The following USP28 variants were observed in gnomAD, a reference collection of about 807,000 sequenced individuals.
USP28 encodes ubiquitin carboxyl-terminal hydrolase 28.
In USP28, 113 loss-of-function variants were observed where a neutral mutation model predicts 145.0. The observed-to-expected ratio is 0.78, with a 90% CI of 0.67 to 0.91. USP28 has a LOEUF of 0.91. USP28 is among the 40% of genes least tolerant of loss of function. The pLI is 0.00. For missense variants in USP28, 1,201 were observed against 1,289.6 expected (o/e 0.93, Z 1.05); for synonymous variants, 447 against 450.9 (o/e 0.99, Z 0.11).
chr11:113,845,752 T>G (rs1395406530), intron 3 of USP28, among the ~76,000 whole-genome samples: 1 of 152,200 alleles, frequency 6.6e-6, no homozygotes, highest in African/African-American at 2.4e-5. Flanking sequence ...TTTTTCTATC[T>G]TTTGTAGAGA....
At chr11:113,826,509 G>A (rs1273980947) in intron 11 of USP28, among the ~76,000 whole-genome samples, 2 of 151,094 alleles carry the variant, frequency 1.3e-5, no homozygotes, top group Non-Finnish European at 2.9e-5. Context: ...GTTTTGCCAT[G>A]TTGCCCAGGC....
intron 11 of USP28, among the ~76,000 whole-genome samples, chr11:113,826,056 G>A (rs557424077): frequency 2.0e-5 from 3 of 151,982 alleles, no homozygotes; most frequent in African/African-American, 7.2e-5. Context: ...AGGCAGAGAC[G>A]GGCAGATCAC....
chr11:113,817,980 CA>C, intron 12 of USP28, 143 bp from the exon 13 acceptor site: 1 of 781,734 alleles, frequency 1.3e-6, no homozygotes, highest in South Asian at 2.6e-5. Context: ...GGTCCTCAAA[CA>C]ATCTATAGGG....
intron 11 of USP28, among the ~76,000 whole-genome samples, chr11:113,823,920 G>A (rs1942994698): frequency 6.6e-6 from 1 of 152,060 alleles, no homozygotes; most frequent in African/African-American, 2.4e-5. Flanking sequence ...CTTAACTGAA[G>A]ATATAACCAA....
chr11:113,865,619 G>A (rs1948176796), intron 1 of USP28, among the ~76,000 whole-genome samples: 1 of 152,126 alleles, frequency 6.6e-6, no homozygotes, highest in African/African-American at 2.4e-5. Context: ...TTCAACAAAT[G>A]GTATTGGTAC....
intron 1 of USP28, among the ~76,000 whole-genome samples, chr11:113,859,955 C>T (rs1363776915): frequency 6.6e-6 from 1 of 152,186 alleles, no homozygotes; most frequent in Non-Finnish European, 1.5e-5. Context: ...GACCTCACTG[C>T]TACTCAGTGG....
intron 11 of USP28, among the ~76,000 whole-genome samples, chr11:113,824,998 T>A: frequency 7.0e-6 from 1 of 142,192 alleles, no homozygotes; most frequent in Admixed American, 7.0e-5. Context: ...ACACAACCAA[T>A]CAAAATCCCA....
At chr11:113,803,110 C>A in intron 23 of USP28, 48 bp downstream of exon 24, 1 of 1,563,370 alleles carries the variant, frequency 6.4e-7, no homozygotes, top group East Asian at 2.3e-5. Flanking sequence ...CTTCAAGGAG[C>A]AGAGGTAAAC....
At chr11:113,807,867 A>C (rs1038892969) in intron 18 of USP28, 84 bp downstream of exon 19, 34 of 892,848 alleles carry the variant, frequency 3.8e-5, no homozygotes, top group Non-Finnish European at 4.6e-5. Flanking sequence ...AATATCAGCT[A>C]TTGGCAGATA....
At chr11:113,844,425 C>A (rs1450142977) in intron 3 of USP28, among the ~76,000 whole-genome samples, 1 of 150,800 alleles carries the variant, frequency 6.6e-6, no homozygotes, top group Non-Finnish European at 1.5e-5. Flanking sequence ...GCCTGGGCAA[C>A]AGTGTGAGAC....
At chr11:113,852,080 G>A (rs373489521) in intron 3 of USP28, among the ~76,000 whole-genome samples, 2 of 152,264 alleles carry the variant, frequency 1.3e-5, no homozygotes, top group African/African-American at 2.4e-5. Context: ...CCAGGCTGGA[G>A]AGCAGTGGTG....
intron 1 of USP28, chr11:113,874,684 A>G (rs1591543597): frequency 8.2e-7 from 1 of 1,226,656 alleles, no homozygotes; most frequent in East Asian, 5.7e-5. Flanking sequence ...ACTAGAAGAC[A>G]TGCTCAAATT....
At chr11:113,868,917 C>A (rs1366831914) in intron 1 of USP28, among the ~76,000 whole-genome samples, 1 of 147,278 alleles carries the variant, frequency 6.8e-6, no homozygotes, top group Non-Finnish European at 1.5e-5. Flanking sequence ...CAGAGTAAGA[C>A]CATGTCTCAA....
intron 7 of USP28, among the ~76,000 whole-genome samples, chr11:113,832,940 T>C (rs915558147): frequency 3.9e-5 from 6 of 152,110 alleles, no homozygotes; most frequent in African/African-American, 7.2e-5. Flanking sequence ...CCGGCTATTT[T>C]TTAATAGGAG....
intron 21 of USP28, 104 bp downstream of exon 22, chr11:113,804,569 A>G: frequency 1.0e-6 from 1 of 1,002,838 alleles, no homozygotes; most frequent in Non-Finnish European, 1.5e-6. Flanking sequence ...AAAGTGGAAG[A>G]ACAAGTCAGT....
intron 19 of USP28, 117 bp from the exon 21 acceptor site, chr11:113,805,163 T>C: frequency 1.1e-6 from 1 of 901,248 alleles, no homozygotes; most frequent in Non-Finnish European, 1.6e-6. Flanking sequence ...AAAAAATTCA[T>C]ATCGAATTAC....
chr11:113,859,988 T>A (rs1471882666), intron 1 of USP28, among the ~76,000 whole-genome samples: 1 of 152,208 alleles, frequency 6.6e-6, no homozygotes, highest in Non-Finnish European at 1.5e-5. Context: ...CTAGCCCACT[T>A]CTCAGGAAGG....
intron 1 of USP28, among the ~76,000 whole-genome samples, chr11:113,864,134 G>A (rs994683776): frequency 3.6e-4 from 55 of 152,014 alleles, no homozygotes; most frequent in Non-Finnish European, 6.5e-4. Flanking sequence ...CCAGCTACTC[G>A]GGAGGCTGAG....
intron 22 of USP28, 83 bp downstream of exon 23, chr11:113,803,715 G>A: frequency 5.3e-6 from 6 of 1,140,182 alleles, no homozygotes; most frequent in Non-Finnish European, 7.8e-6. Context: ...ATGCATGGCT[G>A]TGACTCTTAG....
Sources: gnomAD v4.1 joint callset for allele counts (sites outside exome capture counted in the v4.1 genomes callset) on GRCh38, gnomAD v4.1.1 for gene constraint, MANE v1.5 for transcripts, NCBI Gene and HGNC (gene_info 2026-07-23, HGNC 2026-07-21) for gene names.